HIVEP3: variants seen among roughly 807,000 people sequenced by gnomAD.
HIVEP3 encodes the protein HIVEP zinc finger 3.
HIVEP3 carries 49 observed loss-of-function variants against 152.8 expected under a neutral mutation model. That is an observed-to-expected ratio of 0.32 (90% CI 0.26 to 0.41). The LOEUF is 0.41. HIVEP3 is among the 10% of genes least tolerant of loss of function. HIVEP3 has a pLI of 1.00. For synonymous variants in HIVEP3, 1,269 were observed against 1,289.0 expected (o/e 0.98, Z 0.33); for missense variants, 2,790 against 3,103.3 (o/e 0.90, Z 2.40).
chr1:41,749,971 T>C (rs1647133989), intron 1 of HIVEP3, among the ~76,000 whole-genome samples: 1 of 152,208 alleles, frequency 6.6e-6, no homozygotes, highest in Non-Finnish European at 1.5e-5. Context: ...CCTGGCCCAG[T>C]TGATCACTTG....
chr1:41,627,069 G>A (rs1370689880), intron 3 of HIVEP3, among the ~76,000 whole-genome samples: 3 of 152,210 alleles, frequency 2.0e-5, no homozygotes, highest in East Asian at 3.8e-4. Flanking sequence ...ATCGGTCCCC[G>A]TGCTTCAGCC....
At chr1:41,525,002 A>G in intron 5 of HIVEP3, 92 bp from the exon 6 acceptor site, 1 of 1,203,726 alleles carries the variant, frequency 8.3e-7, no homozygotes, top group African/African-American at 1.5e-5. Flanking sequence ...AGATTCATCC[A>G]GCCCGTTACA....
intron 1 of HIVEP3, among the ~76,000 whole-genome samples, chr1:41,770,364 C>T (rs547093097): frequency 1.3e-5 from 2 of 152,192 alleles, no homozygotes; most frequent in South Asian, 4.2e-4. Flanking sequence ...AACACGTGTC[C>T]GAAAATGATT....
intron 1 of HIVEP3, among the ~76,000 whole-genome samples, chr1:41,736,877 G>A (rs1646926941): frequency 6.6e-6 from 1 of 152,178 alleles, no homozygotes. Context: ...ACCAGGAGGA[G>A]TTCTGGCTCT....
chr1:41,888,399 T>G (rs2993122), intron 1 of HIVEP3, among the ~76,000 whole-genome samples: 1 of 151,730 alleles, frequency 6.6e-6, no homozygotes, highest in Admixed American at 6.6e-5. Context: ...ATCTAAGCCC[T>G]TCTTCTCAAG....
At chr1:41,678,168 ACT>A (rs1645984999) in intron 2 of HIVEP3, among the ~76,000 whole-genome samples, 1 of 151,306 alleles carries the variant, frequency 6.6e-6, no homozygotes, top group Non-Finnish European at 1.5e-5. Context: ...TCTGTTGTTT[ACT>A]CTCGGCGATC....
chr1:42,017,297 G>GT (rs1222050390), intron 1 of HIVEP3, among the ~76,000 whole-genome samples: 1 of 151,950 alleles, frequency 6.6e-6, no homozygotes, highest in Non-Finnish European at 1.5e-5. Context: ...AAGGATCCAG[G>GT]TTTTTTTAAA....
At chr1:41,957,230 C>T (rs200994233) in intron 1 of HIVEP3, among the ~76,000 whole-genome samples, 3 of 44,848 alleles carry the variant, frequency 6.7e-5, no homozygotes, top group Non-Finnish European at 2.1e-4. Context: ...AAAAGTTTTG[C>T]CAGAATAATC....
intron 1 of HIVEP3, among the ~76,000 whole-genome samples, chr1:41,935,358 T>C (rs1645015218): frequency 6.6e-6 from 1 of 152,176 alleles, no homozygotes; most frequent in Non-Finnish European, 1.5e-5. Context: ...TCCCAGATGA[T>C]GTTAATTATT....
In HIVEP3 at chr1:41,582,384, G is replaced by C; in HGVS notation, c.2414C>G (p.Ser805Cys). ...CTCGAGAGAATCAGATTTCTCAAAG[G>C]AGCTGGTGTGCTGGATGACAGAAAT... Reference protein sequence around the residue: ...KEISVIQHTSSFEKSDSLEQP... With the variant: ...KEISVIQHTSCFEKSDSLEQP... Residue 805 changes from serine (S) to cysteine (C), a missense_variant, in exon 4 of 9, where the codon TCC becomes TGC. This residue lies in a region of HIVEP3 where 1,078 missense variants were observed against 1,165.3 expected (regional missense o/e 0.93). Transcript: ENST00000372583. The surrounding 1 kb of genome is among the most constrained non-coding windows in gnomAD (Gnocchi z 4.7). The C allele has an allele frequency of 6.2e-7, 1 of 1,614,222 alleles. No homozygotes were observed.
intron 1 of HIVEP3, among the ~76,000 whole-genome samples, chr1:41,910,616 A>T (rs192332809): frequency 6.6e-5 from 10 of 152,124 alleles, no homozygotes; most frequent in Admixed American, 6.5e-4. Context: ...TTTTATTAGC[A>T]AAAAAACCTA....
chr1:41,510,751 G>A lies in HIVEP3; in HGVS notation c.6921C>T (p.Ser2307=), dbSNP rs74943337. The change falls in exon 9 of 9, where the codon AGC becomes AGT. Residue 2307 remains serine (S), a synonymous_variant. Coordinates refer to ENST00000372583, the MANE Select transcript of HIVEP3 (RefSeq NM_024503.5). The stretch of plus-strand genomic sequence containing the variant: ...GCAAGGTGTCGGGTGGGGTGCAGGG[G>A]CTGTGCGTGGGTGTGGGCTCTGCAG... ...GAPAEPTPTH[S]PCTPPDTLPR... 12 of 1,581,796 alleles carry A rather than the reference G, an allele frequency of 7.6e-6. No individual in the cohort carries two copies. Among genetic ancestry groups the A allele is most frequent in the Non-Finnish European group, 6.0e-6 (7 of 1,163,990 alleles).
chr1:41,973,914 G>A (rs1220905246), intron 1 of HIVEP3, among the ~76,000 whole-genome samples: 1 of 152,226 alleles, frequency 6.6e-6, no homozygotes, highest in African/African-American at 2.4e-5. Flanking sequence ...CATTGAAAAT[G>A]TCACTGATGT....
chr1:41,534,209 C>A (rs940032158), intron 5 of HIVEP3, among the ~76,000 whole-genome samples: 3 of 152,196 alleles, frequency 2.0e-5, no homozygotes, highest in African/African-American at 7.2e-5. Flanking sequence ...CCACTCCTTC[C>A]AGCCTAGAGG....
chr1:41,957,861 T>C (rs980098888), intron 1 of HIVEP3, among the ~76,000 whole-genome samples: 1 of 152,216 alleles, frequency 6.6e-6, no homozygotes, highest in Non-Finnish European at 1.5e-5. Context: ...AGAGGCTATT[T>C]TGAAAAGCTA....
At chr1:41,908,456 T>C (rs1467142754) in intron 1 of HIVEP3, among the ~76,000 whole-genome samples, 2 of 152,182 alleles carry the variant, frequency 1.3e-5, no homozygotes, top group African/African-American at 2.4e-5. Flanking sequence ...GGAAAGAACA[T>C]GTATGGGTTA....
intron 1 of HIVEP3, among the ~76,000 whole-genome samples, chr1:42,009,103 T>C (rs1031455718): frequency 4.6e-5 from 7 of 152,184 alleles, no homozygotes; most frequent in African/African-American, 1.7e-4. Context: ...ATTATTAAGC[T>C]GATAAATTTA....
rs1034429359 is a variant in HIVEP3, at chr1:41,757,862, C to T, written c.-800-56867G>A. Among the ~76,000 whole-genome samples the T allele has an allele frequency of 5.9e-5, 9 of 152,030 alleles. No homozygotes were observed. The South Asian group carries it at 1.5e-3, about 25-fold the overall frequency. On this transcript the variant is annotated intron_variant, in intron 1 of 8. Coordinates refer to ENST00000372583, the MANE Select transcript of HIVEP3 (RefSeq NM_024503.5). Reference sequence around the variant, plus strand: ...CAGAGTAGTTGGGATTACAGGGATGCGCCACCACACCCACTAATTTTGTAT... The same window carrying T: ...CAGAGTAGTTGGGATTACAGGGATGTGCCACCACACCCACTAATTTTGTAT...
At chr1:41,924,582 G>A (rs572510625) in intron 1 of HIVEP3, among the ~76,000 whole-genome samples, 1 of 152,130 alleles carries the variant, frequency 6.6e-6, no homozygotes, top group South Asian at 2.1e-4. Context: ...CCTTGGGCAA[G>A]TTATATAACC....
Sources: allele counts gnomAD v4.1 joint callset (sites outside exome capture counted in the v4.1 genomes callset), GRCh38; gene constraint gnomAD v4.1.1; regional missense constraint gnomAD v4.1.1; non-coding constraint Gnocchi (gnomAD v3.1); transcripts MANE v1.5; gene names NCBI Gene and HGNC (gene_info 2026-07-23, HGNC 2026-07-21).